The following CDH12 variants were observed in gnomAD, a reference collection of about 807,000 sequenced individuals.
CDH12 encodes the protein cadherin-12.
Under a neutral mutation model 74.1 loss-of-function variants are expected in CDH12, and 41 were observed. That is an observed-to-expected ratio of 0.55 (90% CI 0.43 to 0.72). The LOEUF is 0.72. Among genes scored for constraint, CDH12 ranks in the 30% least tolerant of loss-of-function variants. The probability of loss-of-function intolerance (pLI) is 0.00; values close to 1 mark genes in which losing one functional copy is unlikely to be tolerated. For missense variants in CDH12, 945 were observed against 977.2 expected (o/e 0.97, Z 0.44); for synonymous variants, 399 against 355.0 (o/e 1.12, Z -1.39).
At chr5:22,780,965 G>A (rs1352472834) in intron 1 of CDH12, among the ~76,000 whole-genome samples, 1 of 152,054 alleles carries the variant, frequency 6.6e-6, no homozygotes, top group African/African-American at 2.4e-5. Flanking sequence ...TGGAGGAAAA[G>A]CAAACACCCT....
intron 2 of CDH12, among the ~76,000 whole-genome samples, chr5:22,452,897 A>T (rs867495282): frequency 9.6e-5 from 14 of 146,424 alleles, no homozygotes; most frequent in Non-Finnish European, 1.8e-4. Context: ...AAAAAAAAAA[A>T]AAAAAAATGA....
chr5:22,145,959 T>G (rs1423667735), intron 4 of CDH12, among the ~76,000 whole-genome samples: 1 of 152,064 alleles, frequency 6.6e-6, no homozygotes, highest in Non-Finnish European at 1.5e-5. Context: ...TCGCCTATCT[T>G]TCCATCATAC....
At chr5:22,550,423 C>T (rs1210251915) in intron 1 of CDH12, among the ~76,000 whole-genome samples, 1 of 152,156 alleles carries the variant, frequency 6.6e-6, no homozygotes, top group African/African-American at 2.4e-5. Context: ...AAACCTATCC[C>T]TTAACTTGAG....
chr5:22,331,533 T>C (rs547460057), intron 3 of CDH12, among the ~76,000 whole-genome samples: 3 of 152,302 alleles, frequency 2.0e-5, no homozygotes, highest in African/African-American at 4.8e-5. Context: ...TAAGTCTCTT[T>C]GAATACCTGG....
intron 2 of CDH12, among the ~76,000 whole-genome samples, chr5:22,498,381 C>G (rs1267136289): frequency 6.6e-6 from 1 of 152,000 alleles, no homozygotes; most frequent in African/African-American, 2.4e-5. Flanking sequence ...ATAAATTTAT[C>G]CACAACCCAG....
At position 22,451,105 on chromosome 5, in the gene CDH12, C is replaced by T. The variant is rs1745025893; in HGVS notation, c.-427-45754G>A. On this transcript the variant is annotated intron_variant, in intron 2 of 14. Coordinates refer to ENST00000382254, the MANE Select transcript of CDH12 (RefSeq NM_004061.5). ...TTCATTCTATGCATTGCACTTACTA[C>T]TATATTAGGTTTCTTGTGAAATATC... Among the ~76,000 whole-genome samples the T allele has an allele frequency of 1.3e-5, 2 of 151,770 alleles. 1 individual carries two copies. Among genetic ancestry groups the T allele is most frequent in the South Asian group, 4.1e-4 (2 of 4,824 alleles).
intron 3 of CDH12, among the ~76,000 whole-genome samples, chr5:22,344,081 A>C (rs1740005708): frequency 6.6e-6 from 1 of 152,246 alleles, no homozygotes; most frequent in Non-Finnish European, 1.5e-5. Context: ...TTCTGCTTAC[A>C]GGAAATAAAG....
At chr5:22,519,973 C>A (rs1313210152) in intron 1 of CDH12, among the ~76,000 whole-genome samples, 1 of 151,806 alleles carries the variant, frequency 6.6e-6, no homozygotes, top group Non-Finnish European at 1.5e-5. Flanking sequence ...TGTTTTTTTT[C>A]TCTCTGGTTT....
rs560310146 is a variant in CDH12 at position 22,239,223 on chromosome 5, A to G, written c.-332-26580T>C. On this transcript the variant is annotated intron_variant, in intron 3 of 14. Coordinates refer to ENST00000382254, the MANE Select transcript of CDH12 (RefSeq NM_004061.5). ...CTTACTCTCTGTTTCAGAAGCATTG[A>G]GATTTCCTCTGGAAACTCCAGGGAA... Among the ~76,000 whole-genome samples the G allele has an allele frequency of 1.8e-4, 27 of 152,322 alleles. No homozygotes were observed. The East Asian group carries it at 2.1e-3, about 12-fold the overall frequency.
At chr5:22,138,934 T>A (rs1467159387) in intron 4 of CDH12, among the ~76,000 whole-genome samples, 2 of 142,804 alleles carry the variant, frequency 1.4e-5, no homozygotes, top group East Asian at 4.1e-4. Flanking sequence ...CAATGTCAAT[T>A]GCAAACTGTT....
chr5:22,182,249 T>C (rs546750364), intron 4 of CDH12, among the ~76,000 whole-genome samples: 23 of 152,240 alleles, frequency 1.5e-4, no homozygotes, highest in Admixed American at 1.3e-3. Flanking sequence ...GATTCCTTTT[T>C]TTCTAACCTA....
chr5:22,176,203 A>G (rs1749330297), intron 4 of CDH12, among the ~76,000 whole-genome samples: 1 of 151,960 alleles, frequency 6.6e-6, no homozygotes, highest in Non-Finnish European at 1.5e-5. Context: ...CAAACTTTGT[A>G]TATCTGAATG....
chr5:21,788,211 A>G (rs889656724), intron 10 of CDH12, among the ~76,000 whole-genome samples: 3 of 152,152 alleles, frequency 2.0e-5, no homozygotes, highest in Admixed American at 2.0e-4. Flanking sequence ...GTGCCAAGAA[A>G]ACACATTGAA....
At chr5:22,296,911 G>A (rs1367511617) in intron 3 of CDH12, among the ~76,000 whole-genome samples, 2 of 152,002 alleles carry the variant, frequency 1.3e-5, no homozygotes, top group African/African-American at 2.4e-5. Context: ...AATATCTTTA[G>A]GAAAGCATAC....
intron 4 of CDH12, among the ~76,000 whole-genome samples, chr5:22,091,751 T>C (rs1038170852): frequency 1.3e-5 from 2 of 151,922 alleles, no homozygotes; most frequent in African/African-American, 4.8e-5. Flanking sequence ...TTAAAAACAG[T>C]CTTATACAAA....
intron 3 of CDH12, among the ~76,000 whole-genome samples, chr5:22,267,751 T>C (rs962342596): frequency 6.6e-6 from 1 of 152,046 alleles, no homozygotes; most frequent in African/African-American, 2.4e-5. Flanking sequence ...TGAAAGAAGG[T>C]AGTAAGAAGT....
At chr5:22,015,335 A>G (rs1468688085) in intron 5 of CDH12, among the ~76,000 whole-genome samples, 1 of 152,192 alleles carries the variant, frequency 6.6e-6, no homozygotes, top group South Asian at 2.1e-4. Flanking sequence ...ATTTCAGAAT[A>G]CAACAGCTTA....
At chr5:21,833,147 A>ATGT (rs1749219497) in intron 8 of CDH12, among the ~76,000 whole-genome samples, 1 of 62,034 alleles carries the variant, frequency 1.6e-5, no homozygotes, top group African/African-American at 8.3e-5. Context: ...TATATATTAT[A>ATGT]TAACATATAA....
intron 3 of CDH12, among the ~76,000 whole-genome samples, chr5:22,259,841 G>T (rs566544944): frequency 6.6e-6 from 1 of 151,806 alleles, no homozygotes; most frequent in Non-Finnish European, 1.5e-5. Context: ...GAAGCTGACC[G>T]AATTGAGAAT....
Sources: gnomAD v4.1 joint callset for allele counts (sites outside exome capture counted in the v4.1 genomes callset) on GRCh38, gnomAD v4.1.1 for gene constraint, MANE v1.5 for transcripts, NCBI Gene and HGNC (gene_info 2026-07-23, HGNC 2026-07-21) for gene names.